Variants in HSD17B2 observed in about 807,000 individuals in gnomAD.
The protein encoded by HSD17B2 is 17-beta-hydroxysteroid dehydrogenase type 2.
Under a neutral mutation model 26.9 loss-of-function variants are expected in HSD17B2, and 32 were observed. The ratio of observed to expected loss-of-function variants is 1.19; its 90% confidence interval spans 0.90 to 1.60. HSD17B2 has a LOEUF of 1.60. Ranked by LOEUF, HSD17B2 falls within the 40% of genes most tolerant of loss-of-function variation. The pLI, the probability that HSD17B2 is intolerant of heterozygous loss-of-function variation, is 0.00. For missense variants in HSD17B2, 613 were observed against 468.6 expected (o/e 1.31, Z -2.85); for synonymous variants, 246 against 186.7 (o/e 1.32, Z -2.59).
At position 82,098,241 on chromosome 16, in the gene HSD17B2, G is replaced by A. The variant is rs774402519; in HGVS notation, c.969G>A (p.Arg323=). 5 of 1,614,056 alleles carry A rather than the reference G, an allele frequency of 3.1e-6. No individual in the cohort carries two copies. The highest frequency in any genetic ancestry group is 4.2e-6 in the Non-Finnish European group (5 of 1,180,030). ...GCAAGGACTTCTCTCCGGTGCTGCG[G>A]GACATCCAGCATGCTATCTTGGCGA... ...LASKDFSPVL[R]DIQHAILAKS... The change falls in exon 5 of 5, where the codon CGG becomes CGA. Residue 323 remains arginine, a synonymous_variant. Transcript: ENST00000199936.
chr16:82,041,081 A>G (rs1264788047), intron 1 of HSD17B2, among the ~76,000 whole-genome samples: 1 of 152,186 alleles, frequency 6.6e-6, no homozygotes, highest in African/African-American at 2.4e-5. Flanking sequence ...TTGAACAATG[A>G]TTGTATCAGG....
intron 1 of HSD17B2, among the ~76,000 whole-genome samples, chr16:82,048,002 A>G (rs73603043): frequency 6.6e-6 from 1 of 152,222 alleles, no homozygotes; most frequent in African/African-American, 2.4e-5. Flanking sequence ...GAAAAATATT[A>G]TATCTTTTGT....
Position 82,070,943 on chromosome 16 carries a change from A to T in HSD17B2, c.480A>T (p.Gly160=), listed in dbSNP as rs965174291. 2.6e-5 allele frequency: 42 copies of T among 1,612,982 alleles called. No homozygotes were observed. Among genetic ancestry groups the T allele is most frequent in the Non-Finnish European group, 3.5e-5 (41 of 1,179,182 alleles). The part of the protein sequence containing the change: ...SKVAAMLQDR[G]LWAVINNAGV... ...CTCATTATGGTTTTCTGTCTCCAGG[A>T]CTGTGGGCTGTGATCAACAATGCTG... is the stretch of plus-strand genomic sequence containing the variant. Residue 160 remains glycine, a splice_region_variant and synonymous_variant, in exon 3 of 5, where the codon GGA becomes GGT. Coordinates refer to ENST00000199936, the MANE Select transcript of HSD17B2 (RefSeq NM_002153.3).
chr16:82,089,324 G>C (rs1436667931), intron 3 of HSD17B2, among the ~76,000 whole-genome samples: 1 of 152,134 alleles, frequency 6.6e-6, no homozygotes, highest in Non-Finnish European at 1.5e-5. Flanking sequence ...GCTGAGTTGT[G>C]TTCCATCATA....
chr16:82,095,510 G>A (rs890930773), intron 4 of HSD17B2: 45 of 152,958 alleles, frequency 2.9e-4, no homozygotes, highest in African/African-American at 9.9e-4. Flanking sequence ...TTTTTGGAAA[G>A]TAATCTGGCA....
chr16:82,097,558 A>G (rs535554358), intron 4 of HSD17B2: 2 of 152,268 alleles, frequency 1.3e-5, no homozygotes, highest in South Asian at 2.1e-4. Context: ...ATGGGCTATC[A>G]GTTTGGAAAA....
chr16:82,072,169 A>T (rs1315647003), intron 3 of HSD17B2, among the ~76,000 whole-genome samples: 1 of 152,128 alleles, frequency 6.6e-6, no homozygotes, highest in African/African-American at 2.4e-5. Flanking sequence ...GTCTTTGACT[A>T]GAGTCTTGGT....
chr16:82,050,904 T>C (rs1914087040), intron 1 of HSD17B2, among the ~76,000 whole-genome samples: 1 of 152,186 alleles, frequency 6.6e-6, no homozygotes, highest in Non-Finnish European at 1.5e-5. Context: ...TTATAGGATG[T>C]TTAGTCTCTA....
At chr16:82,040,186 G>T (rs931537686) in intron 1 of HSD17B2, among the ~76,000 whole-genome samples, 3 of 152,190 alleles carry the variant, frequency 2.0e-5, no homozygotes, top group African/African-American at 7.2e-5. Context: ...TCACAAGAAA[G>T]TGTCTCACGT....
chr16:82,071,868 G>A (rs943228020), intron 3 of HSD17B2: 1 of 152,924 alleles, frequency 6.5e-6, no homozygotes, highest in Non-Finnish European at 1.5e-5. Flanking sequence ...GGAAGCCAAA[G>A]GGATGGGCTC....
intron 1 of HSD17B2, among the ~76,000 whole-genome samples, chr16:82,036,538 A>G (rs926626906): frequency 3.3e-5 from 5 of 152,120 alleles, no homozygotes; most frequent in African/African-American, 1.2e-4. Context: ...GGGGGAGATC[A>G]TCACCCCTCT....
intron 1 of HSD17B2, among the ~76,000 whole-genome samples, chr16:82,061,180 C>T (rs1042451653): frequency 2.6e-5 from 4 of 151,896 alleles, no homozygotes; most frequent in Non-Finnish European, 4.4e-5. Flanking sequence ...ATTGCTTGAA[C>T]CCAGGAGGCA....
At chr16:82,078,614 C>G (rs1443373008) in intron 3 of HSD17B2, among the ~76,000 whole-genome samples, 3 of 152,146 alleles carry the variant, frequency 2.0e-5, no homozygotes, top group African/African-American at 7.2e-5. Context: ...TTGGAAGTAA[C>G]CTAAGTGTCC....
At position 82,044,840 on chromosome 16, in the gene HSD17B2, G is replaced by A. The variant is rs553741081; in HGVS notation, c.265+9151G>A. Reference sequence around the variant, plus strand: ...GTCCAGAAAACCAACACTTCTGACTGGGCATGGTGGCTCACGCTTGTAATC... The same window carrying A: ...GTCCAGAAAACCAACACTTCTGACTAGGCATGGTGGCTCACGCTTGTAATC... On this transcript the variant is annotated intron_variant, in intron 1 of 4. Transcript: ENST00000199936. Among the ~76,000 whole-genome samples the A allele has an allele frequency of 1.2e-4, 18 of 152,212 alleles. No homozygotes were observed. In the South Asian group the frequency reaches 3.7e-3, roughly 32 times the overall value.
rs527440859 is a variant in HSD17B2, at chr16:82,084,560, T to A, written c.665-6342T>A. On this transcript the variant is annotated intron_variant, in intron 3 of 4. Transcript: ENST00000199936. The stretch of plus-strand genomic sequence containing the variant: ...TCAAACTGTTCTTTTTATTATTATT[T>A]TTTTTATTTTTTTACCTAGAATTAG... 5.6e-4 allele frequency among the ~76,000 whole-genome samples: 85 copies of A among 151,610 alleles called. 1 individual carries two copies. Among genetic ancestry groups the A allele is most frequent in the African/African-American group, 1.1e-3 (46 of 41,404 alleles).
At chr16:82,072,920 C>T (rs1914729509) in intron 3 of HSD17B2, among the ~76,000 whole-genome samples, 1 of 152,106 alleles carries the variant, frequency 6.6e-6, no homozygotes, top group Non-Finnish European at 1.5e-5. Flanking sequence ...AACAAACAAA[C>T]CAGGCATTGT....
intron 1 of HSD17B2, among the ~76,000 whole-genome samples, chr16:82,050,913 T>G (rs897026345): frequency 6.6e-5 from 10 of 152,238 alleles, no homozygotes; most frequent in African/African-American, 2.2e-4. Flanking sequence ...GTTTAGTCTC[T>G]ACTCACTGGA....
At position 82,068,200 on chromosome 16, in the gene HSD17B2, G is replaced by A. The variant is rs1567586314; in HGVS notation, c.296G>A (p.Cys99Tyr). Residue 99 changes from cysteine (C) to tyrosine (Y), a missense_variant, in exon 2 of 5, where the codon TGC becomes TAC. Physicochemically the swap from Cys to Tyr is radical, Grantham distance 194 (BLOSUM62 -2). Transcript: ENST00000199936. ...GATTGCGGGCTTGGCCATGCTTTGT[G>A]CAAGTATCTGGATGAGCTGGGCTTC... ...GGDCGLGHALCKYLDELGFTV... is the reference protein window; with the variant it reads ...GGDCGLGHALYKYLDELGFTV... 1 of 1,614,154 alleles carries A rather than the reference G, an allele frequency of 6.2e-7. No individual in the cohort carries two copies. The highest frequency in any genetic ancestry group is 8.5e-7 in the Non-Finnish European group (1 of 1,180,034).
At chr16:82,092,566 C>T (rs1207219590) in intron 4 of HSD17B2, 3 of 152,106 alleles carry the variant, frequency 2.0e-5, no homozygotes, top group Non-Finnish European at 4.4e-5. Context: ...TAGCTGAGAA[C>T]CTCCTAAGGT....
Sources: allele counts gnomAD v4.1 joint callset (sites outside exome capture counted in the v4.1 genomes callset), GRCh38; gene constraint gnomAD v4.1.1; transcripts MANE v1.5; gene names NCBI Gene and HGNC (gene_info 2026-07-23, HGNC 2026-07-21).